The following KAT2B variants were observed in gnomAD, a reference collection of about 807,000 sequenced individuals.
The protein encoded by KAT2B is lysine acetyltransferase 2B.
In KAT2B, 36 loss-of-function variants were observed where a neutral mutation model predicts 105.9. The observed-to-expected ratio is 0.34, with a 90% CI of 0.26 to 0.45. The LOEUF is 0.45. KAT2B is among the 20% of genes least tolerant of loss of function. The pLI, the probability that KAT2B is intolerant of heterozygous loss-of-function variation, is 1.00. For synonymous variants in KAT2B, 397 were observed against 377.9 expected, an observed-to-expected ratio of 1.05 and a Z score of -0.59; for missense variants, 820 against 1,021.6, an observed-to-expected ratio of 0.80 and a Z score of 2.69.
intron 9 of KAT2B, 47 bp from the exon 10 acceptor site, chr3:20,125,858 T>C: frequency 1.3e-6 from 2 of 1,490,822 alleles, no homozygotes; most frequent in Non-Finnish European, 1.9e-6. Context: ...CCCCACTGTC[T>C]TGAGAGAATA....
intron 2 of KAT2B, among the ~76,000 whole-genome samples, chr3:20,079,148 G>A (rs762726271): frequency 2.0e-5 from 3 of 148,872 alleles, no homozygotes; most frequent in African/African-American, 2.5e-5. Flanking sequence ...TGATCCACCC[G>A]CCTCGGCCTC....
Position 20,127,476 on chromosome 3 carries a change from G to C in KAT2B, c.1676G>C (p.Cys559Ser). The C allele has an allele frequency of 3.1e-6, 5 of 1,612,786 alleles. No homozygotes were observed. Among genetic ancestry groups the C allele is most frequent in the Non-Finnish European group, 4.2e-6 (5 of 1,178,758 alleles). ...IKDGRVIGGI[C>S]FRMFPSQGFT... Reference sequence around the variant, plus strand: ...GATGGCCGTGTTATTGGTGGTATCTGTTTCCGTATGTTCCCATCTCAAGGA... The same window carrying C: ...GATGGCCGTGTTATTGGTGGTATCTCTTTCCGTATGTTCCCATCTCAAGGA... The change falls in exon 11 of 18, where the codon TGT becomes TCT. Residue 559 changes from cysteine to serine, a missense_variant. By Grantham distance (112) the Cys-to-Ser change is moderately radical (BLOSUM62 -1). Transcript: ENST00000263754.
chr3:20,062,246 ATATAT>A (rs1455525733), intron 1 of KAT2B, among the ~76,000 whole-genome samples: 14 of 28,442 alleles, frequency 4.9e-4, no homozygotes, highest in South Asian at 2.8e-3. Context: ...AAAATATATA[ATATAT>A]AAAATATGAT....
intron 1 of KAT2B, among the ~76,000 whole-genome samples, chr3:20,063,820 C>A (rs944532896): frequency 6.6e-6 from 1 of 152,062 alleles, no homozygotes; most frequent in Non-Finnish European, 1.5e-5. Context: ...GGATTACAGA[C>A]GTGAGCCACC....
intron 1 of KAT2B, among the ~76,000 whole-genome samples, chr3:20,057,535 C>G (rs1698021988): frequency 6.6e-6 from 1 of 152,182 alleles, no homozygotes; most frequent in African/African-American, 2.4e-5. Flanking sequence ...GTTAGCCAAG[C>G]AGTTTGACAG....
At chr3:20,138,622 G>C (rs1345482197) in intron 12 of KAT2B, among the ~76,000 whole-genome samples, 1 of 152,074 alleles carries the variant, frequency 6.6e-6, no homozygotes, top group East Asian at 1.9e-4. Context: ...AATTGTGTAT[G>C]TTTGAATTTA....
At chr3:20,043,620 C>T (rs1241261419) in intron 1 of KAT2B, among the ~76,000 whole-genome samples, 2 of 152,038 alleles carry the variant, frequency 1.3e-5, no homozygotes, top group Non-Finnish European at 2.9e-5. Context: ...CCAACTGAGC[C>T]AGACCTTTGT....
intron 1 of KAT2B, among the ~76,000 whole-genome samples, chr3:20,043,772 G>A (rs780334007): frequency 5.9e-5 from 9 of 152,082 alleles, no homozygotes; most frequent in Non-Finnish European, 8.8e-5. Context: ...GTACGAGGGA[G>A]TGTAAGAGAG....
Position 20,095,288 on chromosome 3 carries a change from T to G in KAT2B, c.456T>G (p.Asn152Lys). The change falls in exon 3 of 18, where the codon AAT becomes AAG. Residue 152 changes from asparagine to lysine, a missense_variant. Transcript: ENST00000263754. ...CTGCTCATGTTTCCCACCTGGAGAA[T>G]GTGTCAGAGGAAGAAATGAACAGAC... ...ALAAHVSHLE[N>K]VSEEEMNRLL... 11 of 1,612,556 alleles carry G rather than the reference T, an allele frequency of 6.8e-6. No individual in the cohort carries two copies. Among genetic ancestry groups the G allele is most frequent in the Non-Finnish European group, 8.5e-6 (10 of 1,178,746 alleles).
intron 11 of KAT2B, among the ~76,000 whole-genome samples, chr3:20,134,063 A>G (rs1699558443): frequency 6.6e-6 from 1 of 152,010 alleles, no homozygotes; most frequent in Non-Finnish European, 1.5e-5. Context: ...TGTTTATGGT[A>G]TCTTTGATTA....
At chr3:20,080,250 C>T (rs1316152040) in intron 2 of KAT2B, among the ~76,000 whole-genome samples, 1 of 152,162 alleles carries the variant, frequency 6.6e-6, no homozygotes. Flanking sequence ...AAGCTTTTCT[C>T]CAATTATCTT....
chr3:20,081,878 C>CATATATATAT (rs139743528), intron 2 of KAT2B, among the ~76,000 whole-genome samples: 7,432 of 140,412 alleles, frequency 0.053, 277 homozygotes, highest in East Asian at 0.16. Context: ...GTCATTGGCT[C>CATATATATAT]ATATATATAT....
chr3:20,079,896 A>G (rs549048939), intron 2 of KAT2B, among the ~76,000 whole-genome samples: 99 of 152,308 alleles, frequency 6.5e-4, no homozygotes, highest in African/African-American at 2.3e-3. Flanking sequence ...CGGGCACAGC[A>G]GGAGTTAAGG....
At chr3:20,133,006 A>G (rs1699537865) in intron 11 of KAT2B, among the ~76,000 whole-genome samples, 1 of 152,232 alleles carries the variant, frequency 6.6e-6, no homozygotes, top group Non-Finnish European at 1.5e-5. Context: ...CAACTGGCCA[A>G]CCATTTGCTT....
Position 20,111,734 on chromosome 3 carries a change from A to G in KAT2B, c.990A>G (p.Glu330=), listed in dbSNP as rs1278406615. ...AACTCCTGGAACAAGCAAGACAGGAAAAAGATAAACTGCCTCTTGAAAAAC... is the reference window on the plus strand; with the variant it reads ...AACTCCTGGAACAAGCAAGACAGGAGAAAGATAAACTGCCTCTTGAAAAAC... ...RRQLLEQARQ[E]KDKLPLEKRT... The change falls in exon 6 of 18, where the codon GAA becomes GAG. Residue 330 remains glutamate (E), a synonymous_variant. Transcript: ENST00000263754. 1.9e-6 allele frequency: 3 copies of G among 1,614,112 alleles called. No individual in the cohort carries two copies. The highest frequency in any genetic ancestry group is 2.5e-6 in the Non-Finnish European group (3 of 1,179,976).
chr3:20,042,432 A>G (rs1324165070), intron 1 of KAT2B, among the ~76,000 whole-genome samples: 1 of 152,178 alleles, frequency 6.6e-6, no homozygotes, highest in African/African-American at 2.4e-5. Flanking sequence ...AGAATTAAGA[A>G]CAAGGTCATG....
At chr3:20,143,496 T>C (rs912979656) in intron 13 of KAT2B, among the ~76,000 whole-genome samples, 1 of 152,174 alleles carries the variant, frequency 6.6e-6, no homozygotes, top group Non-Finnish European at 1.5e-5. Flanking sequence ...GAATTAAAAA[T>C]AGAATTACCA....
At chr3:20,119,780 C>T in intron 8 of KAT2B, 57 bp downstream of exon 8, 1 of 1,589,588 alleles carries the variant, frequency 6.3e-7, no homozygotes, top group Non-Finnish European at 8.6e-7. Flanking sequence ...AGCTCCATTA[C>T]CTGAGGAGTG....
rs928537315 is a variant in KAT2B at position 20,122,865 on chromosome 3, A to G, written c.1413+61A>G. ...CCTCTTCTGCTCTCCTGGCCACTCC[A>G]GCTGTCAGAAGTGGGGATGCTAATG... On this transcript the variant is annotated intron_variant, in intron 9 of 17. Coordinates refer to ENST00000263754, the MANE Select transcript of KAT2B (RefSeq NM_003884.5). 7 of 1,536,656 alleles carry G rather than the reference A, an allele frequency of 4.6e-6. No homozygotes were observed. The African/African-American group carries it at 5.5e-5, about 12-fold the overall frequency.
Sources: allele counts gnomAD v4.1 joint callset (sites outside exome capture counted in the v4.1 genomes callset), GRCh38; gene constraint gnomAD v4.1.1; transcripts MANE v1.5; gene names NCBI Gene and HGNC (gene_info 2026-07-23, HGNC 2026-07-21).